Variants in CELF4 observed in about 807,000 individuals in gnomAD.
The protein encoded by CELF4 is CUG-BP- and ETR-3-like factor 4.
Under a neutral mutation model 59.9 loss-of-function variants are expected in CELF4, and 18 were observed. The observed-to-expected ratio is 0.30, with a 90% CI of 0.21 to 0.45. The LOEUF is 0.45. Among genes scored for constraint, CELF4 ranks in the 20% least tolerant of loss-of-function variants. The pLI, the probability that CELF4 is intolerant of heterozygous loss-of-function variation, is 1.00. For missense variants in CELF4, 456 were observed against 689.0 expected, an observed-to-expected ratio of 0.66 and a Z score of 3.79; for synonymous variants, 261 against 267.1, an observed-to-expected ratio of 0.98 and a Z score of 0.22.
In CELF4 at chr18:37,311,829, C is replaced by T. The variant is rs373599926; in HGVS notation, c.448+9974G>A. On this transcript the variant is annotated intron_variant, in intron 3 of 12. Coordinates refer to ENST00000420428, the MANE Select transcript of CELF4 (RefSeq NM_020180.4). ...AAATTAAGTCAGAAGGAACAGGGAT[C>T]GTCCGGGCGCGGTGGCTTATGCCTA... Among the ~76,000 whole-genome samples, 18 of 131,282 alleles carry T rather than the reference C, an allele frequency of 1.4e-4. No individual in the cohort carries two copies. In the East Asian group the frequency reaches 1.4e-3, roughly 10 times the overall value. The allele number at this position is 131,282 out of a possible 152,430, so 86.1% of individuals were successfully genotyped here. A position where few individuals can be genotyped will look rare whatever the true frequency, so the allele number is the denominator to read the frequency against.
intron 9 of CELF4, among the ~76,000 whole-genome samples, chr18:37,265,947 G>A (rs1229815884): frequency 2.0e-5 from 3 of 152,178 alleles, no homozygotes; most frequent in African/African-American, 7.2e-5. Context: ...CTGGCTGACA[G>A]CTCGGCTTAG....
At chr18:37,315,150 G>A (rs974862897) in intron 3 of CELF4, among the ~76,000 whole-genome samples, 7 of 152,002 alleles carry the variant, frequency 4.6e-5, no homozygotes, top group Non-Finnish European at 5.9e-5. Context: ...TGCTAGACCC[G>A]CTCCCTCCCA....
At chr18:37,524,771 G>C (rs2099961682) in intron 1 of CELF4, among the ~76,000 whole-genome samples, 1 of 152,166 alleles carries the variant, frequency 6.6e-6, no homozygotes, top group Non-Finnish European at 1.5e-5. Flanking sequence ...CCCCCGAGCC[G>C]CAGGCCGCTG....
chr18:37,514,982 C>T (rs975193002), intron 1 of CELF4, among the ~76,000 whole-genome samples: 1 of 152,120 alleles, frequency 6.6e-6, no homozygotes, highest in Non-Finnish European at 1.5e-5. Context: ...AAAAATGCCC[C>T]ATTTCCCTGT....
chr18:37,423,053 T>TGC (rs1491310853), intron 2 of CELF4, among the ~76,000 whole-genome samples: 1 of 143,256 alleles, frequency 7.0e-6, no homozygotes, highest in African/African-American at 2.5e-5. Flanking sequence ...CATAGACACA[T>TGC]GCGCGCGCGC....
intron 3 of CELF4, among the ~76,000 whole-genome samples, chr18:37,314,735 G>T (rs73425297): frequency 0.032 from 4,859 of 152,154 alleles, 255 homozygotes; most frequent in African/African-American, 0.11. Context: ...CTTGTGGGGG[G>T]AACAACAGGA....
intron 2 of CELF4, among the ~76,000 whole-genome samples, chr18:37,390,001 G>A (rs2099140939): frequency 6.6e-6 from 1 of 152,212 alleles, no homozygotes; most frequent in African/African-American, 2.4e-5. Context: ...GCTTGCTTCT[G>A]TGCAGGGTTT....
intron 1 of CELF4, among the ~76,000 whole-genome samples, chr18:37,509,483 A>T (rs1185681268): frequency 6.6e-6 from 1 of 152,236 alleles, no homozygotes; most frequent in Non-Finnish European, 1.5e-5. Flanking sequence ...AATAAAACTG[A>T]TCAGATAGGG....
intron 2 of CELF4, among the ~76,000 whole-genome samples, chr18:37,432,533 G>C (rs2099673197): frequency 1.3e-5 from 2 of 152,196 alleles, no homozygotes; most frequent in Non-Finnish European, 2.9e-5. Flanking sequence ...GCAAATCCTG[G>C]GGGCAGAGAG....
chr18:37,266,414 C>T (rs1230664720), intron 9 of CELF4, 119 bp downstream of exon 9: 2 of 1,062,682 alleles, frequency 1.9e-6, no homozygotes, highest in Non-Finnish European at 2.8e-6. Flanking sequence ...CTCCCTCTTT[C>T]CACTCTCTCT....
At chr18:37,350,916 T>C (rs1052001596) in intron 2 of CELF4, among the ~76,000 whole-genome samples, 1 of 152,168 alleles carries the variant, frequency 6.6e-6, no homozygotes, top group African/African-American at 2.4e-5. Flanking sequence ...CCTGGAGCTC[T>C]GGCCTGGGCC....
chr18:37,322,390 C>T (rs2097154170), intron 2 of CELF4, among the ~76,000 whole-genome samples: 1 of 152,220 alleles, frequency 6.6e-6, no homozygotes, highest in South Asian at 2.1e-4. Flanking sequence ...CAGGCGTGGC[C>T]AAGGCTCTGG....
At chr18:37,321,925 G>T (rs760242348) in intron 2 of CELF4, 44 bp from the exon 3 acceptor site, 1 of 1,532,896 alleles carries the variant, frequency 6.5e-7, no homozygotes, top group East Asian at 2.3e-5. Flanking sequence ...AGGCCTGCGG[G>T]TGAGGGGACA....
chr18:37,303,173 ACAGAAGTG>A (rs2154463675), intron 3 of CELF4, among the ~76,000 whole-genome samples: 1 of 152,174 alleles, frequency 6.6e-6, no homozygotes, highest in African/African-American at 2.4e-5. Context: ...TAGAGGCATG[ACAGAAGTG>A]CAGCAGAGCC....
chr18:37,392,468 C>T (rs867887558), intron 2 of CELF4, among the ~76,000 whole-genome samples: 4 of 152,308 alleles, frequency 2.6e-5, no homozygotes, highest in Middle Eastern at 3.4e-3. Context: ...GCTGACCACT[C>T]GGATGAACTA....
chr18:37,542,535 G>A lies in CELF4; in HGVS notation c.286+22821C>T, dbSNP rs148446054. 3.0e-3 allele frequency among the ~76,000 whole-genome samples: 461 copies of A among 152,324 alleles called. 7 individuals carry two copies. Among genetic ancestry groups the A allele is most frequent in the African/African-American group, 0.011 (451 of 41,560 alleles). On this transcript the variant is annotated intron_variant, in intron 1 of 12. Transcript: ENST00000420428. ...CTTGGCTGTGCCACTTACTTGCTCC[G>A]TGCCCTGGGAAGTTAGGGCAGTTAA...
At chr18:37,250,451 A>T (rs1429192283) in intron 12 of CELF4, among the ~76,000 whole-genome samples, 3 of 151,680 alleles carry the variant, frequency 2.0e-5, no homozygotes, top group African/African-American at 7.3e-5. Context: ...CTCCCTTCTG[A>T]CTTGGCCTTA....
intron 2 of CELF4, among the ~76,000 whole-genome samples, chr18:37,424,842 G>T (rs16968931): frequency 6.6e-6 from 1 of 151,820 alleles, no homozygotes; most frequent in Non-Finnish European, 1.5e-5. Flanking sequence ...AGGGGATTGG[G>T]CTCCACACAC....
chr18:37,273,694 G>A (rs933598574), intron 6 of CELF4: 4 of 987,472 alleles, frequency 4.1e-6, no homozygotes, highest in Non-Finnish European at 4.8e-6. Context: ...TACTGCAGAA[G>A]TGAGGTAAGC....
Sources: gnomAD v4.1 joint callset for allele counts (sites outside exome capture counted in the v4.1 genomes callset) on GRCh38, gnomAD v4.1.1 for gene constraint, MANE v1.5 for transcripts, NCBI Gene and HGNC (gene_info 2026-07-23, HGNC 2026-07-21) for gene names.